The following PTCHD1 variants were observed in gnomAD, a reference collection of about 807,000 sequenced individuals.
PTCHD1 encodes patched domain containing 1, also known as patched domain-containing protein 1.
PTCHD1 carries 3 observed loss-of-function variants against 34.6 expected under a neutral mutation model. The ratio of observed to expected loss-of-function variants is 0.09; its 90% CI spans 0.04 to 0.22. The LOEUF (loss-of-function observed/expected upper bound fraction) is 0.22. Ranked by LOEUF, PTCHD1 falls within the 10% of genes least tolerant of loss-of-function variation. The probability of loss-of-function intolerance (pLI) is 1.00; values close to 1 mark genes in which losing one functional copy is unlikely to be tolerated. For synonymous variants in PTCHD1, 305 were observed against 283.1 expected (o/e 1.08, Z -0.77); for missense variants, 504 against 685.5 (o/e 0.74, Z 2.96).
Position 23,368,800 on chromosome X carries a change from C to G in PTCHD1, c.352-10791C>G, listed in dbSNP as rs756132632. Among the ~76,000 whole-genome samples the G allele has an allele frequency of 7.2e-5, 8 of 111,797 alleles. No homozygotes were observed. The South Asian group carries it at 3.0e-3, about 42-fold the overall frequency. ...ATACATGGCCGGGTGCGGTGGCTCA[C>G]GCCTGTAATCCCAGCACTTTGGGAG... On this transcript the variant is annotated intron_variant, in intron 1 of 2. Coordinates refer to ENST00000379361, the MANE Select transcript of PTCHD1 (RefSeq NM_173495.3).
intron 1 of PTCHD1, among the ~76,000 whole-genome samples, chrX:23,346,250 C>G (rs1413460846): frequency 8.9e-6 from 1 of 111,782 alleles, no homozygotes; most frequent in Non-Finnish European, 1.9e-5. Flanking sequence ...TACTCAAAAC[C>G]CTTGTTAAAG....
At chrX:23,358,667 C>T (rs1187374222) in intron 1 of PTCHD1, among the ~76,000 whole-genome samples, 1 of 111,929 alleles carries the variant, frequency 8.9e-6, no homozygotes, top group African/African-American at 3.3e-5. Flanking sequence ...CCCCATTTGT[C>T]TATGTTGGCT....
At chrX:23,377,947 C>A (rs773480872) in intron 1 of PTCHD1, among the ~76,000 whole-genome samples, 1 of 112,102 alleles carries the variant, frequency 8.9e-6, no homozygotes, top group South Asian at 3.7e-4. Flanking sequence ...TACAGTATAA[C>A]AACTCTGTGC....
At chrX:23,381,245 T>G (rs966963706) in intron 2 of PTCHD1, among the ~76,000 whole-genome samples, 6 of 112,200 alleles carry the variant, frequency 5.3e-5, no homozygotes, top group Middle Eastern at 4.6e-3. Context: ...TAGAGATTAA[T>G]GGTCAAAACA....
At chrX:23,334,750 TCGCCGCCGC>T (rs1021562753), upstream of PTCHD1, 55 of 126,441 alleles carry the variant, frequency 4.3e-4, 1 homozygote, top group Middle Eastern at 8.7e-3. Flanking sequence ...GCTCAGGGTC[TCGCCGCCGC>T]CGCCGTCGCC....
At chrX:23,390,996 G>T (rs762042981) in intron 2 of PTCHD1, among the ~76,000 whole-genome samples, 118 of 111,954 alleles carry the variant, frequency 1.1e-3, no homozygotes, top group Non-Finnish European at 1.8e-3. Context: ...CCATTGCCAA[G>T]ACAGGAGTTA....
At chrX:23,363,077 G>T (rs1036017289) in intron 1 of PTCHD1, among the ~76,000 whole-genome samples, 30 of 112,349 alleles carry the variant, frequency 2.7e-4, no homozygotes, top group African/African-American at 9.1e-4. Context: ...CCACTAGGTG[G>T]TGTCTCCCAG....
At chrX:23,364,889 A>G (rs1166809160) in intron 1 of PTCHD1, among the ~76,000 whole-genome samples, 1 of 112,792 alleles carries the variant, frequency 8.9e-6, no homozygotes, top group Non-Finnish European at 1.9e-5. Context: ...CAAATAAAGT[A>G]AAAGCCAAAC....
intron 1 of PTCHD1, chrX:23,351,402 C>G (rs188586355): frequency 2.4e-5 from 15 of 621,600 alleles, no homozygotes; most frequent in Non-Finnish European, 3.8e-5. Flanking sequence ...TGAAATGGTA[C>G]GAAAACTTTC....
At chrX:23,359,000 G>C (rs1339957818) in intron 1 of PTCHD1, among the ~76,000 whole-genome samples, 2 of 111,828 alleles carry the variant, frequency 1.8e-5, no homozygotes, top group Non-Finnish European at 3.8e-5. Flanking sequence ...CTGTTCCATT[G>C]GTCCATATCT....
At position 23,364,658 on chromosome X, in the gene PTCHD1, T is replaced by C. The variant is rs192214204; in HGVS notation, c.352-14933T>C. On this transcript the variant is annotated intron_variant, in intron 1 of 2. Transcript: ENST00000379361. ...AGCACATACTCCCCAGGCACATCAC[T>C]GCCTGGGAAGGAATCCAGTGAACAC... 2.2e-4 allele frequency among the ~76,000 whole-genome samples: 25 copies of C among 112,192 alleles called. No individual in the cohort carries two copies. In the East Asian group the frequency reaches 5.4e-3, roughly 24 times the overall value.
intron 1 of PTCHD1, among the ~76,000 whole-genome samples, chrX:23,374,501 C>T (rs1175272953): frequency 9.1e-6 from 1 of 110,131 alleles, no homozygotes. Context: ...TCTGGCCTGT[C>T]GTGACCAAGC....
At chrX:23,334,781 C>G (rs1195470826), upstream of PTCHD1, 18 of 283,445 alleles carry the variant, frequency 6.4e-5, no homozygotes, top group African/African-American at 5.7e-4. Flanking sequence ...CCGCCGCGGG[C>G]GCCGCTGCCG....
At position 23,351,408 on chromosome X, in the gene PTCHD1, C is replaced by G. The variant is rs1012459100; in HGVS notation, c.351+16182C>G. Reference sequence around the variant, plus strand: ...ATATGTTTCTGAAATGGTACGAAAACTTTCAAAGATGACTAGCACAGAACC... The same window carrying G: ...ATATGTTTCTGAAATGGTACGAAAAGTTTCAAAGATGACTAGCACAGAACC... On this transcript the variant is annotated intron_variant, in intron 1 of 2. Transcript: ENST00000379361. The G allele has an allele frequency of 1.6e-5, 10 of 606,081 alleles. No individual in the cohort carries two copies. The African/African-American group carries it at 2.0e-4, about 12-fold the overall frequency. The allele number at this position is 606,081 out of a possible 1,213,427, so 49.9% of individuals were successfully genotyped here. A position where few individuals can be genotyped will look rare whatever the true frequency, so the allele number is the denominator to read the frequency against.
In PTCHD1 at chrX:23,356,315, A is replaced by C. The variant is rs149540809; in HGVS notation, c.351+21089A>C. ...AAGAGCTGAAAGAAGATGCCATTATAATATTTCAAGTGATAAAACAGATGT... is the reference window on the plus strand; with the variant it reads ...AAGAGCTGAAAGAAGATGCCATTATCATATTTCAAGTGATAAAACAGATGT... On this transcript the variant is annotated intron_variant, in intron 1 of 2. Coordinates refer to ENST00000379361, the MANE Select transcript of PTCHD1 (RefSeq NM_173495.3). Among the ~76,000 whole-genome samples, 594 of 112,332 alleles carry C rather than the reference A, an allele frequency of 5.3e-3. 4 individuals carry two copies. Among genetic ancestry groups the C allele is most frequent in the African/African-American group, 0.018 (544 of 30,878 alleles).
intron 1 of PTCHD1, among the ~76,000 whole-genome samples, chrX:23,349,896 A>G: frequency 9.1e-6 from 1 of 109,470 alleles, no homozygotes; most frequent in Non-Finnish European, 1.9e-5. Flanking sequence ...AAATAGGAGA[A>G]GCAAAACACT....
chrX:23,345,045 T>C (rs1286437027), intron 1 of PTCHD1, among the ~76,000 whole-genome samples: 1 of 112,223 alleles, frequency 8.9e-6, no homozygotes, highest in Admixed American at 9.4e-5. Context: ...GTGATAATTG[T>C]AAAGTCCTTT....
intron 1 of PTCHD1, among the ~76,000 whole-genome samples, chrX:23,359,302 T>A (rs1921904137): frequency 8.9e-6 from 1 of 112,455 alleles, no homozygotes; most frequent in Non-Finnish European, 1.9e-5. Context: ...CTTCCATTTG[T>A]TTGTGTCCTC....
intron 2 of PTCHD1, among the ~76,000 whole-genome samples, chrX:23,382,134 C>T (rs1433864202): frequency 9.0e-6 from 1 of 111,389 alleles, no homozygotes; most frequent in Non-Finnish European, 1.9e-5. Context: ...GACGCCGGAG[C>T]TAGAAAAAGG....
Sources: allele counts gnomAD v4.1 joint callset (sites outside exome capture counted in the v4.1 genomes callset), GRCh38; gene constraint gnomAD v4.1.1; transcripts MANE v1.5; gene names NCBI Gene and HGNC (gene_info 2026-07-23, HGNC 2026-07-21).